The following NCKAP1L variants were observed in gnomAD, a reference collection of about 807,000 sequenced individuals.
NCKAP1L encodes the protein NCK associated protein 1 like, also known as nck-associated protein 1-like.
NCKAP1L carries 53 observed loss-of-function variants against 139.2 expected under a neutral mutation model. That is an observed-to-expected ratio of 0.38 (90% CI 0.31 to 0.48). The LOEUF (loss-of-function observed/expected upper bound fraction) is 0.48, where lower values mean the gene tolerates loss of function less well. NCKAP1L is among the 20% of genes least tolerant of loss of function. The pLI is 0.98. For synonymous variants in NCKAP1L, 468 were observed against 499.7 expected (o/e 0.94, Z 0.85); for missense variants, 1,151 against 1,381.9 (o/e 0.83, Z 2.65).
At chr12:54,542,536 C>G (rs555427338) in intron 30 of NCKAP1L, 39 bp from the exon 31 acceptor site, 8 of 1,466,736 alleles carry the variant, frequency 5.5e-6, no homozygotes, top group Non-Finnish European at 3.8e-6. Flanking sequence ...GACAAATGCC[C>G]TACCTGAGGT....
At position 54,535,431 on chromosome 12, in the gene NCKAP1L, C is replaced by T. The variant is rs112960648; in HGVS notation, c.2956+234C>T. Among the ~76,000 whole-genome samples the T allele has an allele frequency of 8.4e-3, 1,279 of 152,230 alleles. 7 individuals are homozygous for T. The highest frequency in any genetic ancestry group is 0.013 in the Non-Finnish European group (864 of 68,010). ...CTCAGGTTCCAACTAGTTGATCTACCGGTCAGCTAAAAAGTACTAAGTGAG... is the reference window on the plus strand; with the variant it reads ...CTCAGGTTCCAACTAGTTGATCTACTGGTCAGCTAAAAAGTACTAAGTGAG... On this transcript the variant is annotated intron_variant, in intron 27 of 30. Transcript: ENST00000293373.
intron 16 of NCKAP1L, 39 bp from the exon 17 acceptor site, chr12:54,520,655 G>T: frequency 6.2e-7 from 1 of 1,611,298 alleles, no homozygotes; most frequent in South Asian, 1.1e-5. Context: ...TACTAATAAG[G>T]ACTAAATCTT....
chr12:54,499,365 AC>A lies in NCKAP1L; in HGVS notation c.117del (p.Lys40AsnfsTer26). 6.3e-7 allele frequency: 1 copy of A among 1,594,980 alleles called. No individual in the cohort carries two copies. Among genetic ancestry groups the A allele is most frequent in the Non-Finnish European group, 8.6e-7 (1 of 1,162,690 alleles). On this transcript the variant is annotated frameshift_variant, in exon 2 of 31. Coordinates refer to ENST00000293373, the MANE Select transcript of NCKAP1L (RefSeq NM_005337.5). LOFTEE classifies it high-confidence loss of function. ...GGTTTCTCTCTGCAGACTTGTTCAG[AC>A]CCCAAATCTAAGCCACCTTTCTTAC... is the stretch of plus-strand genomic sequence containing the variant. ...RMYNIKKTCS[D>X]PKSKPPFLLE...
intron 16 of NCKAP1L, 80 bp from the exon 17 acceptor site, chr12:54,520,614 T>A: frequency 6.8e-7 from 1 of 1,475,680 alleles, no homozygotes; most frequent in Non-Finnish European, 9.5e-7. Context: ...AAACTCTATT[T>A]TTCTTTTCCT....
Position 54,538,888 on chromosome 12 carries a change from C to G in NCKAP1L, c.3188C>G (p.Ala1063Gly). The change falls in exon 30 of 31, where the codon GCC (alanine) becomes GGC (glycine). Residue 1063 changes from alanine to glycine, a missense_variant. By Grantham distance (60) the Ala-to-Gly change is moderately conservative. Coordinates refer to ENST00000293373, the MANE Select transcript of NCKAP1L (RefSeq NM_005337.5). ...TTACAAATTCTTCCCTTACAGGTGG[C>G]CTCTGTCAGCCTCTTGCAGCTGGGC... The part of the protein sequence containing the change: ...ETHLKEFLVV[A>G]SVSLLQLGQE... 1 of 1,613,858 alleles carries G rather than the reference C, an allele frequency of 6.2e-7. No homozygotes were observed. The highest frequency in any genetic ancestry group is 8.5e-7 in the Non-Finnish European group (1 of 1,179,804).
intron 30 of NCKAP1L, among the ~76,000 whole-genome samples, chr12:54,541,677 G>C (rs757692798): frequency 1.3e-5 from 2 of 152,192 alleles, no homozygotes; most frequent in African/African-American, 4.8e-5. Flanking sequence ...AGAGAAACAC[G>C]TTAGAGTAGA....
chr12:54,547,960 C>T lies in NCKAP1L; in HGVS notation c.*5275C>T, dbSNP rs1957212402. The T allele has an allele frequency of 6.6e-6, 1 of 152,246 alleles. No individual in the cohort carries two copies. Among genetic ancestry groups the T allele is most frequent in the African/African-American group, 2.4e-5 (1 of 41,454 alleles). The allele number at this position is 152,246 out of a possible 1,614,324, so 9.4% of individuals were successfully genotyped here. ...TCCACTTTTTTCTCCATCTCTGACTCTGCCATCTCTTTCTGCCTCTGTACT... is the reference window on the plus strand; with the variant it reads ...TCCACTTTTTTCTCCATCTCTGACTTTGCCATCTCTTTCTGCCTCTGTACT... On this transcript the variant is annotated 3_prime_UTR_variant, in exon 31 of 31. Coordinates refer to ENST00000293373, the MANE Select transcript of NCKAP1L (RefSeq NM_005337.5).
chr12:54,537,064 C>T lies in NCKAP1L; in HGVS notation c.3183+11C>T. On this transcript the variant is annotated intron_variant, in intron 29 of 30. Transcript: ENST00000293373. Reference sequence around the variant, plus strand: ...AAGGAATTTCTGGTGGTGAGTGGGTCTAGGTTATAAAGAATGGAAGATTGC... The same window carrying T: ...AAGGAATTTCTGGTGGTGAGTGGGTTTAGGTTATAAAGAATGGAAGATTGC... 1 of 1,557,650 alleles carries T rather than the reference C, an allele frequency of 6.4e-7. No individual in the cohort carries two copies. Among genetic ancestry groups the T allele is most frequent in the Non-Finnish European group, 8.9e-7 (1 of 1,129,540 alleles).
chr12:54,520,102 TACTC>T (rs1956969407), intron 16 of NCKAP1L, among the ~76,000 whole-genome samples: 1 of 152,236 alleles, frequency 6.6e-6, no homozygotes, highest in Admixed American at 6.5e-5. Flanking sequence ...GTATGTAGCT[TACTC>T]ATTCATTCAA....
chr12:54,532,256 G>C lies in NCKAP1L; in HGVS notation c.2862+6G>C. On this transcript the variant is annotated splice_donor_region_variant and intron_variant, in intron 26 of 30. Transcript: ENST00000293373. Reference sequence around the variant, plus strand: ...CTCCAGACACAGACATCAAGGTATGGAGGAGTGCAAAGTAGAATCTAATTA... The same window carrying C: ...CTCCAGACACAGACATCAAGGTATGCAGGAGTGCAAAGTAGAATCTAATTA... 1.2e-6 allele frequency: 2 copies of C among 1,608,724 alleles called. No homozygotes were observed. Among genetic ancestry groups the C allele is most frequent in the Non-Finnish European group, 1.7e-6 (2 of 1,176,696 alleles).
rs781452377 is a variant in NCKAP1L, at chr12:54,516,925, T to G, written c.1028T>G (p.Phe343Cys). The G allele has an allele frequency of 6.2e-7, 1 of 1,612,842 alleles. No homozygotes were observed. The highest frequency in any genetic ancestry group is 8.5e-7 in the Non-Finnish European group (1 of 1,179,214). ...CAGTTTCATTGTCAACGGCGGCAATTTCTGCGGATGGCAGTGAAGGAGCTG... is the reference window on the plus strand; with the variant it reads ...CAGTTTCATTGTCAACGGCGGCAATGTCTGCGGATGGCAGTGAAGGAGCTG... ...SGQFHCQRRQ[F>C]LRMAVKELET... Residue 343 changes from phenylalanine to cysteine, a missense_variant, in exon 11 of 31, where the codon TTT becomes TGT. Transcript: ENST00000293373.
intron 16 of NCKAP1L, 99 bp downstream of exon 16, chr12:54,519,431 T>A (rs1956963640): frequency 1.3e-6 from 1 of 784,214 alleles, no homozygotes; most frequent in Non-Finnish European, 1.7e-6. Context: ...TTTGTTTAAT[T>A]TTTTTTTTTT....
intron 16 of NCKAP1L, 98 bp downstream of exon 16, chr12:54,519,430 T>A: frequency 2.6e-6 from 1 of 378,714 alleles, no homozygotes; most frequent in Non-Finnish European, 3.3e-6. Context: ...TTTTGTTTAA[T>A]TTTTTTTTTT....
chr12:54,517,322 A>G (rs1197192306), intron 11 of NCKAP1L, among the ~76,000 whole-genome samples: 1 of 152,214 alleles, frequency 6.6e-6, no homozygotes, highest in African/African-American at 2.4e-5. Flanking sequence ...ATAGGGAGAG[A>G]AGGGTACTAA....
At position 54,517,529 on chromosome 12, in the gene NCKAP1L, A is replaced by C. The variant is rs768198681; in HGVS notation, c.1096-4A>C. ...AATTCTAATAGTCTCTACCCCCTCC[A>C]TAGGCTCTTTTTGCTTTCATGGCCC... is the stretch of plus-strand genomic sequence containing the variant. On this transcript the variant is annotated splice_polypyrimidine_tract_variant and splice_region_variant and intron_variant, in intron 11 of 30. Transcript: ENST00000293373. 6.2e-7 allele frequency: 1 copy of C among 1,608,470 alleles called. No individual in the cohort carries two copies. The highest frequency in any genetic ancestry group is 8.5e-7 in the Non-Finnish European group (1 of 1,174,838).
chr12:54,514,891 G>A (rs1627521), intron 9 of NCKAP1L, among the ~76,000 whole-genome samples: 83,363 of 152,006 alleles, frequency 0.55, 24,334 homozygotes, highest in East Asian at 0.85. Flanking sequence ...AAAACTTTCT[G>A]ATGATTACTG....
In NCKAP1L at chr12:54,546,522, T is replaced by A. The variant is rs1363155417; in HGVS notation, c.*3837T>A. ...GTGTCCCCCAGCTAGGGACAAGGCT[T>A]CCTTAACCTTAGGTCCTCATGCTTA... On this transcript the variant is annotated 3_prime_UTR_variant, in exon 31 of 31. Transcript: ENST00000293373. 1.3e-5 allele frequency: 2 copies of A among 152,170 alleles called. No homozygotes were observed. The highest frequency in any genetic ancestry group is 2.9e-5 in the Non-Finnish European group (2 of 68,046). 9.4% of individuals were successfully genotyped at this position (152,170 alleles called of 1,614,324 possible). A position where few individuals can be genotyped will look rare whatever the true frequency, so the allele number is the denominator to read the frequency against.
intron 18 of NCKAP1L, 52 bp from the exon 19 acceptor site, chr12:54,523,341 GC>G: frequency 4.4e-6 from 7 of 1,574,220 alleles, no homozygotes; most frequent in Non-Finnish European, 6.0e-6. Context: ...ACTGTCAGGT[GC>G]CGTTTTAGCA....
intron 21 of NCKAP1L, among the ~76,000 whole-genome samples, chr12:54,527,254 A>C (rs1035803580): frequency 6.6e-6 from 1 of 152,178 alleles, no homozygotes; most frequent in Non-Finnish European, 1.5e-5. Flanking sequence ...CATGTTAAGG[A>C]ATGGAAAGGA....
Sources: allele counts gnomAD v4.1 joint callset (sites outside exome capture counted in the v4.1 genomes callset), GRCh38; gene constraint gnomAD v4.1.1; transcripts MANE v1.5; gene names NCBI Gene and HGNC (gene_info 2026-07-23, HGNC 2026-07-21).